Variants in SLCO1B3 observed in about 807,000 individuals in gnomAD.
SLCO1B3 encodes the protein solute carrier organic anion transporter family member 1B3.
SLCO1B3 carries 72 observed loss-of-function variants against 71.8 expected under a neutral mutation model. The ratio of observed to expected loss-of-function variants is 1.00; its 90% CI spans 0.83 to 1.22. The LOEUF (loss-of-function observed/expected upper bound fraction) is 1.22. Among genes scored for constraint, SLCO1B3 ranks in the 50% most tolerant of loss-of-function variants. SLCO1B3 has a pLI of 0.00. For synonymous variants in SLCO1B3, 298 were observed against 278.4 expected (o/e 1.07, Z -0.70); for missense variants, 911 against 819.7 (o/e 1.11, Z -1.36).
chr12:20,908,138 A>C (rs1317229723), intron 15 of SLCO1B3, among the ~76,000 whole-genome samples: 1 of 152,150 alleles, frequency 6.6e-6, no homozygotes. Context: ...AAAGTATAAT[A>C]AAAAAATTTT....
rs1865289686 is a variant in SLCO1B3, at chr12:20,862,566, A to G, written c.628+8A>G. On this transcript the variant is annotated splice_region_variant and intron_variant, in intron 7 of 15. Coordinates refer to ENST00000381545, the MANE Select transcript of SLCO1B3 (RefSeq NM_019844.4). ...ATTCTTCCTTGTATTTAGGTAACGTACAGAATATATTAAATTTCATGATTA... is the reference window on the plus strand; with the variant it reads ...ATTCTTCCTTGTATTTAGGTAACGTGCAGAATATATTAAATTTCATGATTA... 6.3e-7 allele frequency: 1 copy of G among 1,590,536 alleles called. No homozygotes were observed. The highest frequency in any genetic ancestry group is 1.4e-5 in the African/African-American group (1 of 74,024).
intron 1 of SLCO1B3, among the ~76,000 whole-genome samples, chr12:20,811,505 C>T (rs1864110007): frequency 6.6e-6 from 1 of 152,160 alleles, no homozygotes; most frequent in Non-Finnish European, 1.5e-5. Context: ...CCCTTTTATC[C>T]TCCTCAGTTC....
intron 1 of SLCO1B3, among the ~76,000 whole-genome samples, chr12:20,811,441 G>C (rs1864109074): frequency 6.6e-6 from 1 of 152,134 alleles, no homozygotes; most frequent in South Asian, 2.1e-4. Context: ...AGTAAGGTGG[G>C]GATGCAGAAA....
intron 2 of SLCO1B3, among the ~76,000 whole-genome samples, chr12:20,814,236 G>A (rs1215450640): frequency 6.6e-6 from 1 of 152,008 alleles, no homozygotes; most frequent in African/African-American, 2.4e-5. Flanking sequence ...GACGTAAAAA[G>A]TTGACTCATT....
chr12:20,823,186 T>A (rs570713916), intron 3 of SLCO1B3, among the ~76,000 whole-genome samples: 1 of 152,276 alleles, frequency 6.6e-6, no homozygotes, highest in South Asian at 2.1e-4. Context: ...TATGAAAATG[T>A]TTCGTGTGTA....
intron 3 of SLCO1B3, among the ~76,000 whole-genome samples, chr12:20,818,442 C>A (rs922183848): frequency 1.3e-5 from 2 of 151,974 alleles, no homozygotes. Context: ...ATAGGAAAGG[C>A]CTCTACCTAT....
At chr12:20,856,507 T>C (rs1419750517) in intron 4 of SLCO1B3, among the ~76,000 whole-genome samples, 1 of 152,220 alleles carries the variant, frequency 6.6e-6, no homozygotes, top group Non-Finnish European at 1.5e-5. Context: ...CTAGAGATGA[T>C]ATAAAGCATA....
At chr12:20,816,735 C>T (rs1316724817) in intron 3 of SLCO1B3, among the ~76,000 whole-genome samples, 4 of 152,176 alleles carry the variant, frequency 2.6e-5, no homozygotes, top group Admixed American at 6.6e-5. Flanking sequence ...TGCTGGATCA[C>T]GTGGTAGCTC....
chr12:20,874,686 T>G (rs1030596208), intron 8 of SLCO1B3, among the ~76,000 whole-genome samples: 1 of 152,210 alleles, frequency 6.6e-6, no homozygotes, highest in African/African-American at 2.4e-5. Context: ...GGGTTACTCT[T>G]AAACTCAGAT....
intron 9 of SLCO1B3, among the ~76,000 whole-genome samples, chr12:20,876,384 C>A (rs962482201): frequency 3.3e-5 from 5 of 152,160 alleles, no homozygotes; most frequent in African/African-American, 1.2e-4. Context: ...AGCAGTGCAA[C>A]CAACACTTAA....
At chr12:20,844,955 G>A (rs927212140) in intron 3 of SLCO1B3, 10 of 195,080 alleles carry the variant, frequency 5.1e-5, no homozygotes, top group East Asian at 1.7e-4. Context: ...GCTTGAACCC[G>A]GGAGGCAGAA....
intron 3 of SLCO1B3, among the ~76,000 whole-genome samples, chr12:20,829,391 C>T (rs1201102545): frequency 1.3e-5 from 2 of 152,226 alleles, no homozygotes; most frequent in Non-Finnish European, 2.9e-5. Flanking sequence ...TGGGCTGAAA[C>T]TTCAGAAAGG....
rs902441733 is a variant in SLCO1B3, at chr12:20,848,906, G to A, written c.85-6122G>A. 2.0e-5 allele frequency among the ~76,000 whole-genome samples: 3 copies of A among 151,968 alleles called. No homozygotes were observed. In the South Asian group the frequency reaches 6.2e-4, roughly 32 times the overall value. On this transcript the variant is annotated intron_variant, in intron 3 of 15. Transcript: ENST00000381545. ...CTATTCTTTATGATACAGTAATGAA[G>A]AAGACCTATCAATATACATTTATCA...
intron 8 of SLCO1B3, among the ~76,000 whole-genome samples, chr12:20,868,266 A>G (rs961670332): frequency 1.3e-5 from 2 of 152,196 alleles, no homozygotes; most frequent in African/African-American, 4.8e-5. Context: ...CTACCCAAAT[A>G]TATCTACAGA....
intron 5 of SLCO1B3, 129 bp from the exon 6 acceptor site, chr12:20,860,888 A>G (rs913568461): frequency 5.6e-5 from 53 of 946,900 alleles, no homozygotes; most frequent in Non-Finnish European, 7.5e-5. Flanking sequence ...TGGGAAGTTG[A>G]CAAACAAGAT....
At chr12:20,822,707 G>C (rs1864339282) in intron 3 of SLCO1B3, among the ~76,000 whole-genome samples, 1 of 152,120 alleles carries the variant, frequency 6.6e-6, no homozygotes, top group Non-Finnish European at 1.5e-5. Context: ...TTTGTCTTGT[G>C]CTCAGTAAAT....
intron 3 of SLCO1B3, among the ~76,000 whole-genome samples, chr12:20,826,291 A>G (rs1329652030): frequency 2.0e-5 from 3 of 152,158 alleles, no homozygotes; most frequent in African/African-American, 7.2e-5. Context: ...TACAGAAGCT[A>G]TTGACAAAGT....
intron 3 of SLCO1B3, among the ~76,000 whole-genome samples, chr12:20,832,918 CGTGT>C (rs1864573841): frequency 6.6e-6 from 1 of 150,754 alleles, no homozygotes; most frequent in Admixed American, 6.7e-5. Context: ...TGTTTGCGCA[CGTGT>C]GTTTAATGGC....
chr12:20,870,611 C>T (rs1322299110), intron 8 of SLCO1B3, among the ~76,000 whole-genome samples: 2 of 152,262 alleles, frequency 1.3e-5, no homozygotes, highest in East Asian at 3.9e-4. Context: ...ATCGTGGTCC[C>T]TTGTCAAAGA....
Sources: gnomAD v4.1 joint callset for allele counts (sites outside exome capture counted in the v4.1 genomes callset) on GRCh38, gnomAD v4.1.1 for gene constraint, MANE v1.5 for transcripts, NCBI Gene and HGNC (gene_info 2026-07-23, HGNC 2026-07-21) for gene names.